The following RNF216 variants were observed in gnomAD, a reference collection of about 807,000 sequenced individuals.
RNF216 encodes E3 ubiquitin-protein ligase RNF216.
A neutral mutation model predicts 110.8 loss-of-function variants in RNF216; 72 were observed. That is an observed-to-expected ratio of 0.65 (90% confidence interval 0.54 to 0.79). The LOEUF (loss-of-function observed/expected upper bound fraction) is 0.79. Ranked by LOEUF, RNF216 falls within the 30% of genes least tolerant of loss-of-function variation. The pLI is 0.00. For missense variants in RNF216, 1,342 were observed against 1,141.2 expected (o/e 1.18, Z -2.54); for synonymous variants, 495 against 407.5 (o/e 1.21, Z -2.59).
At chr7:5,646,286 T>C (rs1788043394) in intron 14 of RNF216, among the ~76,000 whole-genome samples, 1 of 152,034 alleles carries the variant, frequency 6.6e-6, no homozygotes, top group Non-Finnish European at 1.5e-5. Context: ...TGAGAATCGC[T>C]TGGGCCCAGA....
rs904673953 is a variant in RNF216 at position 5,680,243 on chromosome 7, A to T, written c.2062-27733T>A. On this transcript the variant is annotated intron_variant, in intron 13 of 16. Transcript: ENST00000389902. This position sits in a 1 kb window ranked among gnomAD's most constrained non-coding sequence, Gnocchi z 4.3. ...CTTCCGGAAGTCTCTTCATGCTCTA[A>T]TGCAGCCTTCAAGGTCCAACAGGGA... 1 of 152,214 alleles carries T rather than the reference A, an allele frequency of 6.6e-6. No homozygotes were observed. The highest frequency in any genetic ancestry group is 2.4e-5 in the African/African-American group (1 of 41,398). 9.4% of individuals were successfully genotyped at this position (152,214 alleles called of 1,614,324 possible).
intron 1 of RNF216, among the ~76,000 whole-genome samples, chr7:5,778,436 A>T (rs1370103243): frequency 1.3e-5 from 2 of 152,168 alleles, no homozygotes; most frequent in African/African-American, 4.8e-5. Context: ...TCTTCAAAGT[A>T]CTTCCAACAA....
rs1787893449 is a variant in RNF216 at position 5,643,893 on chromosome 7, T to A, written c.2160-2517A>T. Among the ~76,000 whole-genome samples, 3 of 152,246 alleles carry A rather than the reference T, an allele frequency of 2.0e-5. No individual in the cohort carries two copies. The South Asian group carries it at 6.2e-4, about 31-fold the overall frequency. On this transcript the variant is annotated intron_variant, in intron 14 of 16. Coordinates refer to ENST00000389902, the MANE Select transcript of RNF216 (RefSeq NM_207111.4). ...TTTTGGGCTCTACAGATTGCCATTC[T>A]GAGGCTAGGCAAATGCCCATATGCC...
chr7:5,774,694 G>A (rs1481774543), intron 1 of RNF216, among the ~76,000 whole-genome samples: 1 of 151,548 alleles, frequency 6.6e-6, no homozygotes, highest in Non-Finnish European at 1.5e-5. Flanking sequence ...CACAGGAAAT[G>A]CAGTGCTTAT....
chr7:5,668,005 T>A lies in RNF216; in HGVS notation c.2062-15495A>T, dbSNP rs1789639448. On this transcript the variant is annotated intron_variant, in intron 13 of 16. Transcript: ENST00000389902. The stretch of plus-strand genomic sequence containing the variant: ...GAGCAGGTAACTTCGCGTTGGTATT[T>A]TAGGGCGCTGTGTAAAGATGGCAGT... 2.0e-5 allele frequency among the ~76,000 whole-genome samples: 3 copies of A among 152,224 alleles called. No homozygotes were observed. In the South Asian group the frequency reaches 6.2e-4, roughly 32 times the overall value.
At chr7:5,692,872 C>T (rs1756107763) in intron 13 of RNF216, among the ~76,000 whole-genome samples, 1 of 152,214 alleles carries the variant, frequency 6.6e-6, no homozygotes, top group South Asian at 2.1e-4. Context: ...ATGCACACTC[C>T]TCCCTTAACC....
At chr7:5,751,886 T>C (rs1293430903) in intron 3 of RNF216, among the ~76,000 whole-genome samples, 1 of 117,248 alleles carries the variant, frequency 8.5e-6, no homozygotes, top group Non-Finnish European at 1.9e-5. Context: ...AAAAAAACAG[T>C]TTAAAAAGTA....
At chr7:5,678,919 T>A (rs566129931) in intron 13 of RNF216, among the ~76,000 whole-genome samples, 58 of 152,254 alleles carry the variant, frequency 3.8e-4, no homozygotes, top group African/African-American at 1.3e-3. Flanking sequence ...CATGGCTGGT[T>A]TATCAGTTGC....
chr7:5,739,494 T>C lies in RNF216; in HGVS notation c.1045-142A>G, dbSNP rs1425792843. On this transcript the variant is annotated intron_variant, in intron 4 of 16. Transcript: ENST00000389902. ...AAGCAGGTCTGTGTGTGTCTTCAAA[T>C]TCAACACTAGTTCCCAGATTCATCT... is the stretch of plus-strand genomic sequence containing the variant. The C allele has an allele frequency of 1.3e-5, 10 of 797,074 alleles. No homozygotes were observed. In the Admixed American group the frequency reaches 2.0e-4, roughly 16 times the overall value. The allele number at this position is 797,074 out of a possible 1,614,324, so 49.4% of individuals were successfully genotyped here.
At chr7:5,663,923 C>A (rs543223776) in intron 13 of RNF216, among the ~76,000 whole-genome samples, 5 of 151,628 alleles carry the variant, frequency 3.3e-5, no homozygotes, top group Non-Finnish European at 5.9e-5. Context: ...AACAAAAAAA[C>A]CCCAAAACAA....
chr7:5,748,657 C>T (rs1035073617), intron 3 of RNF216, among the ~76,000 whole-genome samples: 41 of 131,550 alleles, frequency 3.1e-4, no homozygotes, highest in African/African-American at 8.5e-4. Context: ...CACACACACA[C>T]ATAATATACT....
chr7:5,627,993 C>G (rs190285896), intron 15 of RNF216, among the ~76,000 whole-genome samples: 2 of 152,148 alleles, frequency 1.3e-5, no homozygotes, highest in Admixed American at 6.5e-5. Flanking sequence ...TGCATAGGAG[C>G]GCGAGCCCAG....
At chr7:5,660,265 C>CTAT (rs1789021502) in intron 13 of RNF216, among the ~76,000 whole-genome samples, 1 of 33,604 alleles carries the variant, frequency 3.0e-5, no homozygotes, top group Admixed American at 3.9e-4. Context: ...GTTTTAAATT[C>CTAT]TTTTTTTTTT....
intron 14 of RNF216, among the ~76,000 whole-genome samples, chr7:5,644,805 T>A (rs1400126019): frequency 6.6e-6 from 1 of 151,440 alleles, no homozygotes; most frequent in East Asian, 1.9e-4. Flanking sequence ...TGTGCCTGGC[T>A]GTTTGCCTAT....
Position 5,728,531 on chromosome 7 carries a change from G to C in RNF216, c.1389+901C>G, listed in dbSNP as rs150686204. ...AGAGGCTGCAGTGAGCCGAGATTAGGCCACTGCACTCCAGCCTGGGCAACA... is the reference window on the plus strand; with the variant it reads ...AGAGGCTGCAGTGAGCCGAGATTAGCCCACTGCACTCCAGCCTGGGCAACA... On this transcript the variant is annotated intron_variant, in intron 7 of 16. Coordinates refer to ENST00000389902, the MANE Select transcript of RNF216 (RefSeq NM_207111.4). Among the ~76,000 whole-genome samples, 1,160 of 151,360 alleles carry C rather than the reference G, an allele frequency of 7.7e-3. 15 individuals carry two copies. Among genetic ancestry groups the C allele is most frequent in the African/African-American group, 0.027 (1,115 of 41,220 alleles).
chr7:5,742,769 T>G (rs779548636), intron 3 of RNF216, among the ~76,000 whole-genome samples: 4 of 151,878 alleles, frequency 2.6e-5, no homozygotes, highest in Non-Finnish European at 5.9e-5. Flanking sequence ...CTAATTTTTC[T>G]ATTTTTGTTA....
rs201172961 is a variant in RNF216 at position 5,774,759 on chromosome 7, CT to C, written c.-70+6781del. Among the ~76,000 whole-genome samples the C allele has an allele frequency of 9.0e-4, 133 of 148,148 alleles. 2 individuals carry two copies. Among genetic ancestry groups the C allele is most frequent in the South Asian group, 7.9e-3 (37 of 4,680 alleles). On this transcript the variant is annotated intron_variant, in intron 1 of 16. Coordinates refer to ENST00000389902, the MANE Select transcript of RNF216 (RefSeq NM_207111.4). ...ATCTTTATTTTCCCATTCCAAGTTA[CT>C]TTTTTTTTTTTTATTGAGACGAAGT...
intron 1 of RNF216, among the ~76,000 whole-genome samples, chr7:5,764,562 C>T (rs1273323644): frequency 6.6e-6 from 1 of 151,870 alleles, no homozygotes; most frequent in East Asian, 1.9e-4. Context: ...GCGAGAGAAT[C>T]GCTTGAACCC....
intron 13 of RNF216, among the ~76,000 whole-genome samples, chr7:5,673,851 T>C (rs1192052326): frequency 7.0e-6 from 1 of 143,608 alleles, no homozygotes; most frequent in Non-Finnish European, 1.5e-5. Flanking sequence ...CATCTCTCTC[T>C]TTCTCTCATT....
Sources: gnomAD v4.1 joint callset for allele counts (sites outside exome capture counted in the v4.1 genomes callset) on GRCh38, gnomAD v4.1.1 for gene constraint, Gnocchi (gnomAD v3.1) non-coding constraint, MANE v1.5 for transcripts, NCBI Gene and HGNC (gene_info 2026-07-23, HGNC 2026-07-21) for gene names.